Variants in PTBP2 observed in about 807,000 individuals in gnomAD.
The protein encoded by PTBP2 is polypyrimidine tract binding protein 2, also known as polypyrimidine tract-binding protein 2.
PTBP2 carries 13 observed loss-of-function variants against 61.4 expected under a neutral mutation model. The observed-to-expected ratio is 0.21, with a 90% CI of 0.14 to 0.34. PTBP2 has a LOEUF of 0.34. Among genes scored for constraint, PTBP2 ranks in the 10% least tolerant of loss-of-function variants. PTBP2 has a pLI of 1.00. For missense variants in PTBP2, 405 were observed against 642.6 expected, an observed-to-expected ratio of 0.63 and a Z score of 4.00; for synonymous variants, 215 against 218.5, an observed-to-expected ratio of 0.98 and a Z score of 0.14.
chr1:96,796,726 A>G (rs1402778571), intron 8 of PTBP2, among the ~76,000 whole-genome samples: 1 of 152,148 alleles, frequency 6.6e-6, no homozygotes, highest in Non-Finnish European at 1.5e-5. Flanking sequence ...ATAGTAGCAA[A>G]TGAGCAGAGT....
downstream of PTBP2, chr1:96,815,175 CTA>C (rs1261137938): frequency 2.2e-5 from 3 of 138,974 alleles, no homozygotes; most frequent in East Asian, 4.2e-4. Flanking sequence ...CTTGTTAATT[CTA>C]TCTCTTTTGT....
intron 3 of PTBP2, among the ~76,000 whole-genome samples, chr1:96,762,947 C>T (rs866908920): frequency 1.4e-4 from 21 of 150,264 alleles, no homozygotes; most frequent in Middle Eastern, 3.6e-3. Context: ...GACGGGGCGG[C>T]GGGGCAGCGG....
chr1:96,735,583 CTT>C (rs67721817), intron 2 of PTBP2, among the ~76,000 whole-genome samples: 33,486 of 152,020 alleles, frequency 0.22, 4,626 homozygotes, highest in East Asian at 0.31. Context: ...GGAAGGAACA[CTT>C]TTATGGAAAT....
chr1:96,724,978 T>C (rs1439988934), intron 2 of PTBP2, among the ~76,000 whole-genome samples: 2 of 152,198 alleles, frequency 1.3e-5, no homozygotes, highest in Non-Finnish European at 2.9e-5. Context: ...TATTTGCCCA[T>C]TCTTTAGGCT....
chr1:96,725,167 A>G (rs545156220), intron 2 of PTBP2, among the ~76,000 whole-genome samples: 9 of 152,364 alleles, frequency 5.9e-5, no homozygotes, highest in Non-Finnish European at 1.3e-4. Context: ...AAAAGAATAA[A>G]TGATACAAGT....
intron 3 of PTBP2, among the ~76,000 whole-genome samples, chr1:96,766,158 A>G (rs1048005503): frequency 1.3e-5 from 2 of 152,208 alleles, no homozygotes; most frequent in Non-Finnish European, 2.9e-5. Context: ...AGTTTGGAAG[A>G]GAAGTATTCA....
Position 96,743,970 on chromosome 1 carries a change from G to T in PTBP2, c.40-7455G>T, listed in dbSNP as rs189410561. Reference sequence around the variant, plus strand: ...CAAGGTGGTTGGATCACAAGGTCAGGAGCTTGAGACCAGCCTGGCTCTACT... The same window carrying T: ...CAAGGTGGTTGGATCACAAGGTCAGTAGCTTGAGACCAGCCTGGCTCTACT... On this transcript the variant is annotated intron_variant, in intron 2 of 13. Transcript: ENST00000674951. Among the ~76,000 whole-genome samples the T allele has an allele frequency of 1.2e-3, 185 of 152,212 alleles. No homozygotes were observed. The Middle Eastern group carries it at 0.014, about 11-fold the overall frequency.
chr1:96,736,391 TAAC>T (rs1652183064), intron 2 of PTBP2, among the ~76,000 whole-genome samples: 1 of 151,652 alleles, frequency 6.6e-6, no homozygotes. Flanking sequence ...TATTAAATCA[TAAC>T]AATATGTGAG....
chr1:96,806,970 CTA>C lies in PTBP2; in HGVS notation c.1171+14_1171+15del, dbSNP rs776644187. 2.0e-5 allele frequency: 32 copies of C among 1,582,348 alleles called. No homozygotes were observed. The Admixed American group carries it at 4.1e-4, about 20-fold the overall frequency. On this transcript the variant is annotated intron_variant, in intron 11 of 13. Transcript: ENST00000674951. Reference sequence around the variant, plus strand: ...CCAATCACAACTTGGTAAGATTAAACTATGTTTTATCTATACATCTTCACTTC... The same window carrying C: ...CCAATCACAACTTGGTAAGATTAAACTGTTTTATCTATACATCTTCACTTC...
intron 2 of PTBP2, among the ~76,000 whole-genome samples, chr1:96,729,524 A>G (rs1324731775): frequency 6.6e-6 from 1 of 152,072 alleles, no homozygotes; most frequent in Non-Finnish European, 1.5e-5. Context: ...CTTAACTGAC[A>G]CAGTTCACTA....
intron 8 of PTBP2, among the ~76,000 whole-genome samples, chr1:96,793,821 C>T (rs1660097557): frequency 6.6e-6 from 1 of 151,996 alleles, no homozygotes; most frequent in Non-Finnish European, 1.5e-5. Flanking sequence ...TGATTTTTAT[C>T]ATCTGAGTAA....
intron 8 of PTBP2, among the ~76,000 whole-genome samples, chr1:96,795,184 C>T (rs1660249553): frequency 6.6e-6 from 1 of 152,166 alleles, no homozygotes; most frequent in South Asian, 2.1e-4. Context: ...AAGAAACTGA[C>T]TGTGGCTCCA....
Position 96,810,496 on chromosome 1 carries a change from G to A in PTBP2, c.1172-2216G>A, listed in dbSNP as rs72976465. On this transcript the variant is annotated intron_variant, in intron 11 of 13. Transcript: ENST00000674951. ...GCAATCAGCTGGCTAGAACTCTCTTGTTACCTGGCTACTTCCTGAGGTAGC... is the reference window on the plus strand; with the variant it reads ...GCAATCAGCTGGCTAGAACTCTCTTATTACCTGGCTACTTCCTGAGGTAGC... 2.9e-3 allele frequency among the ~76,000 whole-genome samples: 448 copies of A among 152,166 alleles called. 3 individuals are homozygous for A. Among genetic ancestry groups the A allele is most frequent in the African/African-American group, 0.01 (434 of 41,508 alleles).
chr1:96,797,167 C>A (rs1403487854), intron 8 of PTBP2, among the ~76,000 whole-genome samples: 1 of 151,048 alleles, frequency 6.6e-6, no homozygotes, highest in East Asian at 2.0e-4. Context: ...CATCGGAAGC[C>A]ATCCTCATTG....
At chr1:96,737,740 T>C (rs183820597) in intron 2 of PTBP2, among the ~76,000 whole-genome samples, 156 of 152,292 alleles carry the variant, frequency 1.0e-3, no homozygotes, top group Admixed American at 1.2e-3. Context: ...GACAGTAATA[T>C]GGAGAGCTTT....
chr1:96,739,189 A>C (rs1187659136), intron 2 of PTBP2, among the ~76,000 whole-genome samples: 2 of 152,128 alleles, frequency 1.3e-5, no homozygotes, highest in African/African-American at 4.8e-5. Context: ...TAAGTATTTT[A>C]TGATAAAGTT....
At position 96,785,062 on chromosome 1, in the gene PTBP2, C is replaced by T; in HGVS notation, c.712C>T (p.Leu238=). 1 of 1,577,988 alleles carries T rather than the reference C, an allele frequency of 6.3e-7. No homozygotes were observed. The highest frequency in any genetic ancestry group is 8.6e-7 in the Non-Finnish European group (1 of 1,161,026). Residue 238 remains leucine (L), a synonymous_variant, in exon 8 of 14, where the codon CTA becomes TTA. Coordinates refer to ENST00000674951, the MANE Select transcript of PTBP2 (RefSeq NM_021190.4). ...TATGCTTTATTCACTTTTACAGGCC[C>T]TAGATGGTCAGAATATTTATAATGC... ...PVNAQQAKLA[L]DGQNIYNACC...
Position 96,722,949 on chromosome 1 carries a change from T to TA in PTBP2, c.9-614dup, listed in dbSNP as rs1570668535. Among the ~76,000 whole-genome samples, 4 of 152,214 alleles carry TA rather than the reference T, an allele frequency of 2.6e-5. No homozygotes were observed. In the South Asian group the frequency reaches 8.3e-4, roughly 31 times the overall value. On this transcript the variant is annotated intron_variant, in intron 1 of 13. Transcript: ENST00000674951. ...TGCAGCTCTTTTGGGAGTGTAAACA[T>TA]AGTATCATTTAACAAGTACATTTAT...
chr1:96,786,079 C>T (rs998894326), intron 8 of PTBP2, among the ~76,000 whole-genome samples: 3 of 151,922 alleles, frequency 2.0e-5, no homozygotes, highest in Admixed American at 6.6e-5. Context: ...ATATGGAACT[C>T]AAAATTGATA....
Sources: gnomAD v4.1 joint callset for allele counts (sites outside exome capture counted in the v4.1 genomes callset) on GRCh38, gnomAD v4.1.1 for gene constraint, MANE v1.5 for transcripts, NCBI Gene and HGNC (gene_info 2026-07-23, HGNC 2026-07-21) for gene names.